Variants in OSTF1 observed in about 807,000 individuals in gnomAD.
The protein encoded by OSTF1 is osteoclast-stimulating factor 1.
OSTF1 carries 27 observed loss-of-function variants against 37.2 expected under a neutral mutation model. The observed-to-expected ratio is 0.73, with a 90% confidence interval of 0.54 to 1.00. The LOEUF (loss-of-function observed/expected upper bound fraction) is 1.00. Ranked by LOEUF, OSTF1 falls within the 50% of genes least tolerant of loss-of-function variation. OSTF1 has a pLI of 0.00. For synonymous variants in OSTF1, 82 were observed against 89.2 expected, an observed-to-expected ratio of 0.92 and a Z score of 0.46; for missense variants, 232 against 253.8, an observed-to-expected ratio of 0.91 and a Z score of 0.58.
rs1174162949 is a variant in OSTF1, at chr9:75,146,568, TC to T, written c.587-112del. The T allele has an allele frequency of 6.8e-6, 5 of 730,230 alleles. No individual in the cohort carries two copies. In the African/African-American group the frequency reaches 7.2e-5, roughly 11 times the overall value. 45.2% of individuals were successfully genotyped at this position (730,230 alleles called of 1,614,324 possible). On this transcript the variant is annotated intron_variant, in intron 9 of 9. Transcript: ENST00000346234. ...AGAAAGATCCTCAGGGAAAGTACAA[TC>T]CCTGGGTCAGATGGAAGATTCTATT...
At chr9:75,110,792 C>A (rs1488886514) in intron 1 of OSTF1, among the ~76,000 whole-genome samples, 2 of 151,846 alleles carry the variant, frequency 1.3e-5, no homozygotes, top group African/African-American at 4.8e-5. Context: ...CTCACTGCAG[C>A]CTTGACCTCC....
intron 1 of OSTF1, among the ~76,000 whole-genome samples, chr9:75,101,624 C>T (rs1351472547): frequency 6.6e-6 from 1 of 152,198 alleles, no homozygotes; most frequent in Non-Finnish European, 1.5e-5. Context: ...TAATCCTTTG[C>T]TCTTTATTTT....
intron 5 of OSTF1, among the ~76,000 whole-genome samples, chr9:75,132,503 C>T (rs533511074): frequency 1.4e-3 from 218 of 152,252 alleles, no homozygotes; most frequent in African/African-American, 5.0e-3. Context: ...GAGAGGCAGG[C>T]GTTGTTGCCA....
chr9:75,133,279 G>A lies in OSTF1; in HGVS notation c.251-15G>A. Reference sequence around the variant, plus strand: ...CTTTTTTTCTTGTGTTCTTGTAAATGTAAAATTCTTTCAGGCAACTTGAGC... The same window carrying A: ...CTTTTTTTCTTGTGTTCTTGTAAATATAAAATTCTTTCAGGCAACTTGAGC... On this transcript the variant is annotated splice_polypyrimidine_tract_variant and intron_variant, in intron 5 of 9. Coordinates refer to ENST00000346234, the MANE Select transcript of OSTF1 (RefSeq NM_012383.5). 1 of 1,493,866 alleles carries A rather than the reference G, an allele frequency of 6.7e-7. No individual in the cohort carries two copies. Among genetic ancestry groups the A allele is most frequent in the East Asian group, 2.3e-5 (1 of 44,278 alleles). 92.5% of individuals were successfully genotyped at this position (1,493,866 alleles called of 1,614,324 possible).
chr9:75,111,150 C>G (rs1032056297), intron 1 of OSTF1, among the ~76,000 whole-genome samples: 1 of 152,182 alleles, frequency 6.6e-6, no homozygotes, highest in African/African-American at 2.4e-5. Flanking sequence ...AGTGCTGTTT[C>G]AGGGCCTCAA....
At chr9:75,145,995 T>G (rs564500038) in intron 9 of OSTF1, among the ~76,000 whole-genome samples, 10 of 152,338 alleles carry the variant, frequency 6.6e-5, no homozygotes, top group Admixed American at 3.3e-4. Flanking sequence ...TGACATATAT[T>G]TATTGAACTT....
intron 2 of OSTF1, among the ~76,000 whole-genome samples, chr9:75,121,029 AG>A (rs1825572878): frequency 6.6e-6 from 1 of 152,240 alleles, no homozygotes; most frequent in South Asian, 2.1e-4. Flanking sequence ...CTGAGGAAGC[AG>A]GGTAGCACTG....
chr9:75,121,913 C>T (rs1232511504), intron 2 of OSTF1, among the ~76,000 whole-genome samples: 1 of 152,156 alleles, frequency 6.6e-6, no homozygotes, highest in Admixed American at 6.5e-5. Flanking sequence ...AGCTCCTGTT[C>T]CCCCTCAGGA....
At chr9:75,097,791 C>A (rs1217133866) in intron 1 of OSTF1, among the ~76,000 whole-genome samples, 1 of 151,364 alleles carries the variant, frequency 6.6e-6, no homozygotes, top group East Asian at 1.9e-4. Flanking sequence ...TCCATTAGCA[C>A]CAATTTTGTA....
intron 5 of OSTF1, among the ~76,000 whole-genome samples, 186 bp from the exon 6 acceptor site, chr9:75,133,108 C>T (rs1825789986): frequency 6.6e-6 from 1 of 152,072 alleles, no homozygotes; most frequent in African/African-American, 2.4e-5. Flanking sequence ...GATGTTAATA[C>T]TTTCCATTAA....
At chr9:75,133,442 A>G in intron 6 of OSTF1, 41 bp downstream of exon 6, 1 of 1,216,592 alleles carries the variant, frequency 8.2e-7, no homozygotes, top group African/African-American at 1.5e-5. Flanking sequence ...TGCTGCTGAA[A>G]ATGTGTTTCA....
chr9:75,130,887 T>C (rs892504248), intron 4 of OSTF1, among the ~76,000 whole-genome samples: 8 of 152,232 alleles, frequency 5.3e-5, no homozygotes, highest in African/African-American at 1.2e-4. Flanking sequence ...GAAACACTTA[T>C]GGTTTTACTT....
In OSTF1 at chr9:75,110,503, A is replaced by C. The variant is rs546482312; in HGVS notation, c.35-7001A>C. On this transcript the variant is annotated intron_variant, in intron 1 of 9. Transcript: ENST00000346234. ...ATTTATCCCATTGTCAGTATTTTTC[A>C]CTTTAGCCATCAGAGTGAGTATGTA... is the stretch of plus-strand genomic sequence containing the variant. 5.5e-4 allele frequency among the ~76,000 whole-genome samples: 84 copies of C among 152,248 alleles called. 3 individuals are homozygous for C. Among genetic ancestry groups the C allele is most frequent in the Admixed American group, 5.0e-3 (76 of 15,302 alleles).
intron 1 of OSTF1, among the ~76,000 whole-genome samples, chr9:75,106,931 C>T (rs553634056): frequency 8.6e-5 from 12 of 139,946 alleles, no homozygotes; most frequent in East Asian, 2.1e-4. Flanking sequence ...TCCAGCATTG[C>T]GACAGAGCAA....
chr9:75,125,085 A>G (rs1414148019), intron 2 of OSTF1, among the ~76,000 whole-genome samples: 2 of 152,170 alleles, frequency 1.3e-5, no homozygotes, highest in African/African-American at 2.4e-5. Context: ...TGCAGCCCAC[A>G]TATCCTATTT....
chr9:75,137,754 A>G, intron 8 of OSTF1, 138 bp downstream of exon 8: 3 of 619,022 alleles, frequency 4.8e-6, no homozygotes, highest in Non-Finnish European at 8.7e-6. Flanking sequence ...CCTGTGTATC[A>G]TGGAATAGTT....
chr9:75,089,289 G>A (rs1248950693), intron 1 of OSTF1, among the ~76,000 whole-genome samples: 1 of 150,638 alleles, frequency 6.6e-6, no homozygotes, highest in Non-Finnish European at 1.5e-5. Context: ...CGCGCTCCTG[G>A]TGGAAAGAAT....
At chr9:75,108,075 A>G (rs953715092) in intron 1 of OSTF1, among the ~76,000 whole-genome samples, 4 of 152,016 alleles carry the variant, frequency 2.6e-5, no homozygotes, top group African/African-American at 9.7e-5. Flanking sequence ...TCTACAAAAA[A>G]TGAGCTGGGT....
At chr9:75,114,205 G>A (rs191807046) in intron 1 of OSTF1, among the ~76,000 whole-genome samples, 95 of 152,070 alleles carry the variant, frequency 6.2e-4, no homozygotes, top group Non-Finnish European at 1.0e-3. Context: ...TCATTCTGCC[G>A]TTGATGGACA....
Sources: gnomAD v4.1 joint callset for allele counts (sites outside exome capture counted in the v4.1 genomes callset) on GRCh38, gnomAD v4.1.1 for gene constraint, MANE v1.5 for transcripts, NCBI Gene and HGNC (gene_info 2026-07-23, HGNC 2026-07-21) for gene names.